Variants in POLR1B observed in about 807,000 individuals in gnomAD.
POLR1B encodes RNA polymerase I subunit B.
A neutral mutation model predicts 105.8 loss-of-function variants in POLR1B; 30 were observed. The observed-to-expected ratio is 0.28, with a 90% CI of 0.21 to 0.38. The LOEUF is 0.38. Ranked by LOEUF, POLR1B falls within the 10% of genes least tolerant of loss-of-function variation. POLR1B has a pLI of 1.00. For synonymous variants in POLR1B, 485 were observed against 505.1 expected (o/e 0.96, Z 0.53); for missense variants, 976 against 1,435.8 (o/e 0.68, Z 5.17).
intron 10 of POLR1B, among the ~76,000 whole-genome samples, chr2:112,567,766 A>G (rs1447001499): frequency 6.6e-6 from 1 of 152,220 alleles, no homozygotes; most frequent in African/African-American, 2.4e-5. Flanking sequence ...CCTTTAGTGT[A>G]TCGACACGTG....
chr2:112,549,528 G>T, intron 4 of POLR1B, 129 bp downstream of exon 4: 2 of 726,688 alleles, frequency 2.8e-6, no homozygotes, highest in Non-Finnish European at 2.0e-6. Context: ...GTAGGGATGG[G>T]GTTTCACCAC....
intron 2 of POLR1B, 75 bp downstream of exon 2, chr2:112,547,254 A>G: frequency 1.3e-6 from 2 of 1,554,080 alleles, no homozygotes; most frequent in South Asian, 2.4e-5. Flanking sequence ...AATAAAGTTT[A>G]TGCCAGAAAT....
chr2:112,554,730 GA>G (rs759453940), intron 7 of POLR1B, among the ~76,000 whole-genome samples: 2 of 151,640 alleles, frequency 1.3e-5, no homozygotes, highest in East Asian at 1.9e-4. Flanking sequence ...TCCTAATTAG[GA>G]AAAAAAAGAA....
intron 4 of POLR1B, among the ~76,000 whole-genome samples, chr2:112,549,914 A>G (rs1683275119): frequency 6.7e-6 from 1 of 148,592 alleles, no homozygotes; most frequent in South Asian, 2.1e-4. Flanking sequence ...TTGATTGTGG[A>G]AATCATTATA....
In POLR1B at chr2:112,552,680, A is replaced by AAAAGTTTTAT. The variant is rs1287473270; in HGVS notation, c.1024_1033dup (p.Met345LysfsTer26). 6.2e-7 allele frequency: 1 copy of AAAAGTTTTAT among 1,604,976 alleles called. No individual in the cohort carries two copies. The highest frequency in any genetic ancestry group is 2.3e-5 in the East Asian group (1 of 44,356). ...TGTATCCACTTGAAATCCAATACTG[A>AAAAGTTTTAT]AAAGTTTTATATGCTTTGTCTCATG... On this transcript the variant is annotated frameshift_variant, in exon 7 of 15. Coordinates refer to ENST00000263331, the MANE Select transcript of POLR1B (RefSeq NM_019014.6). LOFTEE classifies it high-confidence loss of function.
chr2:112,564,705 C>T (rs1271798966), intron 10 of POLR1B, among the ~76,000 whole-genome samples: 1 of 152,140 alleles, frequency 6.6e-6, no homozygotes, highest in African/African-American at 2.4e-5. Flanking sequence ...GATATTTGAC[C>T]CATATACATT....
rs181990725 is a variant in POLR1B, at chr2:112,579,731, T to C, written c.*4002T>C. 3 of 152,364 alleles carry C rather than the reference T, an allele frequency of 2.0e-5. No individual in the cohort carries two copies. The East Asian group carries it at 5.8e-4, about 29-fold the overall frequency. 9.4% of individuals were successfully genotyped at this position (152,364 alleles called of 1,614,324 possible). On this transcript the variant is annotated 3_prime_UTR_variant, in exon 15 of 15. Coordinates refer to ENST00000263331, the MANE Select transcript of POLR1B (RefSeq NM_019014.6). The stretch of plus-strand genomic sequence containing the variant: ...TGTATCTTCAGTGAAATGTCTGCTG[T>C]TCATTTTTTAATTGGATTGTTTGTC...
Position 112,549,248 on chromosome 2 carries a change from C to T in POLR1B, c.493-19C>T, listed in dbSNP as rs1176576846. On this transcript the variant is annotated intron_variant, in intron 3 of 14. Transcript: ENST00000263331. ...TCATGTATCTTTGTTTAACAAGTTG[C>T]AATTCATCTTTTTGGCAGGAAATGG... 1 of 1,611,690 alleles carries T rather than the reference C, an allele frequency of 6.2e-7. No homozygotes were observed. The highest frequency in any genetic ancestry group is 8.5e-7 in the Non-Finnish European group (1 of 1,178,744).
chr2:112,569,665 T>C (rs1684488878), intron 12 of POLR1B, among the ~76,000 whole-genome samples: 1 of 151,814 alleles, frequency 6.6e-6, no homozygotes, highest in Non-Finnish European at 1.5e-5. Flanking sequence ...GTTCAAGTGA[T>C]TCTCCTGCTT....
chr2:112,572,501 A>G, intron 12 of POLR1B, 61 bp from the exon 13 acceptor site: 1 of 1,267,048 alleles, frequency 7.9e-7, no homozygotes, highest in South Asian at 1.7e-5. Context: ...AGTGTTGCGT[A>G]TCACACCTAT....
At chr2:112,551,236 A>G (rs1225046353) in intron 5 of POLR1B, among the ~76,000 whole-genome samples, 1 of 152,176 alleles carries the variant, frequency 6.6e-6, no homozygotes, top group African/African-American at 2.4e-5. Context: ...CCAGGGTCTC[A>G]GGAGGTTGCA....
chr2:112,559,150 C>A, intron 8 of POLR1B, 143 bp from the exon 9 acceptor site: 1 of 1,036,256 alleles, frequency 9.7e-7, no homozygotes, highest in Non-Finnish European at 1.4e-6. Flanking sequence ...ACTCTTTACA[C>A]TCATCAGAGC....
chr2:112,556,508 A>G (rs1683670186), intron 7 of POLR1B, among the ~76,000 whole-genome samples: 1 of 152,244 alleles, frequency 6.6e-6, no homozygotes, highest in Non-Finnish European at 1.5e-5. Context: ...TGTCAGTGCC[A>G]GAGAATATGC....
chr2:112,547,482 A>G lies in POLR1B; in HGVS notation c.407A>G (p.Tyr136Cys), dbSNP rs1346511623. 10 of 1,614,042 alleles carry G rather than the reference A, an allele frequency of 6.2e-6. No individual in the cohort carries two copies. The highest frequency in any genetic ancestry group is 5.0e-5 in the Admixed American group (3 of 60,004). ...SKGIIKQFLG[Y>C]VPIMVKSKLC... ...GGAATCATTAAGCAGTTTCTTGGCT[A>G]TGTTCCCATCATGGTGAAATCCAAG... The change falls in exon 3 of 15, where the codon TAT becomes TGT. Residue 136 changes from tyrosine (Y) to cysteine (C), a missense_variant. Tyr to Cys is a radical substitution (Grantham distance 194). Around this residue, in one of 12 missense-constraint regions of POLR1B, gnomAD observed 452 missense variants for 616.5 expected, o/e 0.73. Coordinates refer to ENST00000263331, the MANE Select transcript of POLR1B (RefSeq NM_019014.6).
intron 10 of POLR1B, among the ~76,000 whole-genome samples, chr2:112,566,984 CATT>C (rs754121155): frequency 1.3e-5 from 2 of 152,076 alleles, no homozygotes; most frequent in Non-Finnish European, 2.9e-5. Context: ...CTACCTGCCT[CATT>C]AGTCTCAGAT....
At chr2:112,550,622 A>G in intron 4 of POLR1B, 1 of 523,368 alleles carries the variant, frequency 1.9e-6, no homozygotes. Flanking sequence ...CTGGAGGGAA[A>G]CTTTGAAGTT....
intron 10 of POLR1B, among the ~76,000 whole-genome samples, chr2:112,567,295 T>TTTG (rs202228965): frequency 7.6e-4 from 115 of 151,618 alleles, no homozygotes; most frequent in African/African-American, 1.9e-3. Flanking sequence ...GACACATGGG[T>TTTG]TTGTTGTTGT....
upstream of POLR1B, chr2:112,542,192 C>T (rs1424838928): frequency 7.8e-6 from 12 of 1,535,528 alleles, no homozygotes; most frequent in African/African-American, 1.4e-5. Context: ...GGGCGGGGAG[C>T]GGGTTTCCAC....
intron 14 of POLR1B, 132 bp from the exon 15 acceptor site, chr2:112,574,715 C>T: frequency 2.4e-6 from 2 of 819,688 alleles, no homozygotes. Flanking sequence ...GAGTGAGACC[C>T]TGTATCATAA....
Sources: allele counts gnomAD v4.1 joint callset (sites outside exome capture counted in the v4.1 genomes callset), GRCh38; gene constraint gnomAD v4.1.1; regional missense constraint gnomAD v4.1.1; transcripts MANE v1.5; gene names NCBI Gene and HGNC (gene_info 2026-07-23, HGNC 2026-07-21).